RIPOR2: variants seen among roughly 807,000 people sequenced by gnomAD.
The protein encoded by RIPOR2 is RHO family interacting cell polarization regulator 2.
RIPOR2 carries 39 observed loss-of-function variants against 114.5 expected under a neutral mutation model. The observed-to-expected ratio is 0.34, with a 90% confidence interval of 0.26 to 0.44. The LOEUF (loss-of-function observed/expected upper bound fraction) is 0.44, where lower values mean the gene tolerates loss of function less well. RIPOR2 is among the 20% of genes least tolerant of loss of function. RIPOR2 has a pLI of 1.00. For synonymous variants in RIPOR2, 445 were observed against 484.4 expected, an observed-to-expected ratio of 0.92 and a Z score of 1.07; for missense variants, 1,007 against 1,255.1, an observed-to-expected ratio of 0.80 and a Z score of 2.99.
intron 1 of RIPOR2, among the ~76,000 whole-genome samples, chr6:24,950,889 C>T (rs1255561374): frequency 6.6e-6 from 1 of 152,208 alleles, no homozygotes; most frequent in Non-Finnish European, 1.5e-5. Flanking sequence ...TACCATAGAA[C>T]ACAGTCCAGG....
At chr6:24,934,491 A>C (rs946236308) in intron 1 of RIPOR2, among the ~76,000 whole-genome samples, 1 of 152,236 alleles carries the variant, frequency 6.6e-6, no homozygotes, top group Non-Finnish European at 1.5e-5. Flanking sequence ...CAACATCAAA[A>C]TATTAACCAT....
At chr6:24,981,134 G>A (rs551634739) in intron 1 of RIPOR2, among the ~76,000 whole-genome samples, 84 of 152,286 alleles carry the variant, frequency 5.5e-4, no homozygotes, top group African/African-American at 1.9e-3. Context: ...GGGTTATAAA[G>A]AATTTTATCT....
At position 24,995,503 on chromosome 6, in the gene RIPOR2, C is replaced by G. The variant is rs147166581; in HGVS notation, c.76+46348G>C. On this transcript the variant is annotated intron_variant, in intron 1 of 13. Transcript: ENST00000510784. ...AAACTGCCAATCCCGGCAACTCAATCCACCCCTTCTACACAGTTTGTCATC... is the reference window on the plus strand; with the variant it reads ...AAACTGCCAATCCCGGCAACTCAATGCACCCCTTCTACACAGTTTGTCATC... Among the ~76,000 whole-genome samples, 418 of 152,344 alleles carry G rather than the reference C, an allele frequency of 2.7e-3. 1 individual carries two copies. The highest frequency in any genetic ancestry group is 9.4e-3 in the African/African-American group (390 of 41,572).
upstream of RIPOR2, chr6:25,042,095 C>G: frequency 1.9e-6 from 1 of 524,236 alleles, no homozygotes; most frequent in Non-Finnish European, 3.3e-6. Context: ...CTTCCGTTGA[C>G]TTCTTTTATC....
chr6:24,839,028 A>T (rs1392086399), intron 14 of RIPOR2, 63 bp downstream of exon 14: 1 of 1,341,216 alleles, frequency 7.5e-7, no homozygotes, highest in Non-Finnish European at 1.0e-6. Context: ...TCTGACAGTA[A>T]CAAAGAACTA....
Position 24,860,981 on chromosome 6 carries a change from T to C in RIPOR2, c.707A>G (p.Lys236Arg). 1.9e-6 allele frequency: 3 copies of C among 1,602,050 alleles called. No homozygotes were observed. The highest frequency in any genetic ancestry group is 1.7e-5 in the Admixed American group (1 of 59,466). Residue 236 changes from lysine to arginine, a missense_variant, in exon 8 of 22, where the codon AAG becomes AGG. Coordinates refer to ENST00000643898, the MANE Select transcript of RIPOR2 (RefSeq NM_001286445.3). ...AACAAGGAAAATAATACCTTTCATC[T>C]TGATGGAGAATTCTCCCAGCAGATT... is the stretch of plus-strand genomic sequence containing the variant. ...LENLLGEFSI[K>R]MKGLAGFARL...
intron 17 of RIPOR2, among the ~76,000 whole-genome samples, chr6:24,829,229 G>A (rs902036950): frequency 6.6e-6 from 1 of 152,092 alleles, no homozygotes; most frequent in South Asian, 2.1e-4. Flanking sequence ...CAGGAGGATC[G>A]CTTGAACCTG....
At chr6:25,035,077 C>T (rs1323934671) in intron 1 of RIPOR2, among the ~76,000 whole-genome samples, 2 of 152,124 alleles carry the variant, frequency 1.3e-5, no homozygotes, top group East Asian at 1.9e-4. Context: ...CCAGTATAAA[C>T]ACTAGGGTCC....
intron 18 of RIPOR2, 119 bp from the exon 19 acceptor site, chr6:24,825,547 T>C (rs1760093410): frequency 2.9e-6 from 2 of 689,354 alleles, no homozygotes; most frequent in Admixed American, 2.9e-5. Flanking sequence ...CCAATACATA[T>C]GAAAAATTAG....
chr6:24,930,621 A>G (rs990792513), intron 1 of RIPOR2, among the ~76,000 whole-genome samples: 3 of 152,256 alleles, frequency 2.0e-5, no homozygotes, highest in Non-Finnish European at 4.4e-5. Flanking sequence ...AATGTTTTGC[A>G]GTAATCCAAG....
At chr6:24,865,277 C>T (rs1285762187) in intron 7 of RIPOR2, 24 bp downstream of exon 7, 3 of 1,575,774 alleles carry the variant, frequency 1.9e-6, no homozygotes, top group Non-Finnish European at 2.6e-6. Context: ...GATTCGGCAA[C>T]TTAAGCAGGT....
chr6:24,994,750 G>C (rs1341302215), intron 1 of RIPOR2, among the ~76,000 whole-genome samples: 1 of 152,080 alleles, frequency 6.6e-6, no homozygotes, highest in Non-Finnish European at 1.5e-5. Context: ...ATGACCAATA[G>C]CACCATGAAA....
At chr6:24,997,054 A>G (rs974841234) in intron 1 of RIPOR2, among the ~76,000 whole-genome samples, 4 of 152,254 alleles carry the variant, frequency 2.6e-5, no homozygotes, top group Non-Finnish European at 5.9e-5. Flanking sequence ...AATGTGAATT[A>G]CTAACTAGCG....
At chr6:24,936,958 T>A (rs140317081), upstream of RIPOR2, among the ~76,000 whole-genome samples, 1 of 152,224 alleles carries the variant, frequency 6.6e-6, no homozygotes, top group Non-Finnish European at 1.5e-5. Flanking sequence ...ATACTCCCAG[T>A]GTTACCCTAG....
intron 1 of RIPOR2, among the ~76,000 whole-genome samples, chr6:24,922,844 G>A (rs1318970115): frequency 1.2e-5 from 1 of 86,140 alleles, no homozygotes. Flanking sequence ...CTGTGCAACA[G>A]AACAGGACAG....
intron 1 of RIPOR2, among the ~76,000 whole-genome samples, chr6:24,923,326 GAA>G (rs1320432734): frequency 6.6e-6 from 1 of 152,154 alleles, no homozygotes; most frequent in Non-Finnish European, 1.5e-5. Flanking sequence ...ATGCTGCTAT[GAA>G]TATGATATAC....
intron 1 of RIPOR2, among the ~76,000 whole-genome samples, chr6:24,991,249 C>T (rs1217869030): frequency 6.6e-6 from 1 of 152,194 alleles, no homozygotes; most frequent in Admixed American, 6.5e-5. Context: ...AAACTTTGTA[C>T]ACTGTAGGAT....
chr6:24,828,031 G>T, intron 18 of RIPOR2, 106 bp downstream of exon 18: 1 of 1,018,090 alleles, frequency 9.8e-7, no homozygotes, highest in Non-Finnish European at 1.4e-6. Context: ...CTCTACTGTG[G>T]ACTTGAAAAA....
chr6:24,809,281 G>C (rs895473880), intron 21 of RIPOR2, among the ~76,000 whole-genome samples: 1 of 152,158 alleles, frequency 6.6e-6, no homozygotes, highest in Non-Finnish European at 1.5e-5. Flanking sequence ...GGTTAACCTG[G>C]GAGTCAGGGT....
Sources: allele counts gnomAD v4.1 joint callset (sites outside exome capture counted in the v4.1 genomes callset), GRCh38; gene constraint gnomAD v4.1.1; transcripts MANE v1.5; gene names NCBI Gene and HGNC (gene_info 2026-07-23, HGNC 2026-07-21).